SOBP: variants seen among roughly 807,000 people sequenced by gnomAD.
SOBP encodes the protein sine oculis-binding protein homolog.
A neutral mutation model predicts 53.6 loss-of-function variants in SOBP; 4 were observed. The observed-to-expected ratio is 0.07, with a 90% CI of 0.04 to 0.17. SOBP has a LOEUF of 0.17. SOBP is among the 10% of genes least tolerant of loss of function. SOBP has a pLI of 1.00. For missense variants in SOBP, 1,088 were observed against 1,204.7 expected (o/e 0.90, Z 1.43); for synonymous variants, 584 against 522.6 (o/e 1.12, Z -1.60).
At position 107,634,887 on chromosome 6, in the gene SOBP, G is replaced by C; in HGVS notation, c.2043G>C (p.Glu681Asp). Reference sequence around the variant, plus strand: ...ACGCGCACGTCAAGGCGGAGCGCGAGCCGAGCGCCGCGGAGCGCAGGACCT... The same window carrying C: ...ACGCGCACGTCAAGGCGGAGCGCGACCCGAGCGCCGCGGAGCGCAGGACCT... ...ALHAHVKAER[E>D]PSAAERRTCG... The change falls in exon 6 of 7, where the codon GAG (glutamate) becomes GAC (aspartate). Residue 681 changes from glutamate (E) to aspartate (D), a missense_variant. Physicochemically the swap from Glu to Asp is conservative, Grantham distance 45. Coordinates refer to ENST00000317357, the MANE Select transcript of SOBP (RefSeq NM_018013.4). The surrounding 1 kb of genome is among the most constrained non-coding windows in gnomAD (Gnocchi z 4.5). 7.6e-7 allele frequency: 1 copy of C among 1,322,460 alleles called. No homozygotes were observed. The highest frequency in any genetic ancestry group is 9.7e-7 in the Non-Finnish European group (1 of 1,026,896). The allele number at this position is 1,322,460 out of a possible 1,614,324, so 81.9% of individuals were successfully genotyped here.
intron 6 of SOBP, among the ~76,000 whole-genome samples, chr6:107,642,923 T>C (rs1176819596): frequency 6.6e-6 from 1 of 152,246 alleles, no homozygotes; most frequent in African/African-American, 2.4e-5. Context: ...TCCCCAGATA[T>C]GTTTTTGGTA....
In SOBP at chr6:107,635,150, A is replaced by G; in HGVS notation, c.2306A>G (p.Glu769Gly). 2 of 1,613,312 alleles carry G rather than the reference A, an allele frequency of 1.2e-6. No individual in the cohort carries two copies. Among genetic ancestry groups the G allele is most frequent in the Middle Eastern group, 3.3e-4 (2 of 6,062 alleles). The change falls in exon 6 of 7, where the codon GAG becomes GGG. Residue 769 changes from glutamate (E) to glycine (G), a missense_variant. Physicochemically the swap from Glu to Gly is moderately conservative, Grantham distance 98. Around this residue, in one of 6 missense-constraint regions of SOBP, gnomAD observed 665 missense variants for 629.7 expected, o/e 1.06. Transcript: ENST00000317357. This position sits in a 1 kb window ranked among gnomAD's most constrained non-coding sequence, Gnocchi z 4.5. ...GAGGAACCGGCGGTGAGCGAGCTAG[A>G]GTCGGTCAAGGAGAATAACTGTGCT... ...SPEEPAVSEL[E>G]SVKENNCASN... is the part of the protein sequence containing the mutation.
In SOBP at chr6:107,649,568, G is replaced by C. The variant is rs1446185235; in HGVS notation, c.*4-8639G>C. 2.0e-5 allele frequency among the ~76,000 whole-genome samples: 3 copies of C among 151,366 alleles called. 1 individual carries two copies. Among genetic ancestry groups the C allele is most frequent in the Admixed American group, 2.0e-4 (3 of 15,184 alleles). On this transcript the variant is annotated intron_variant, in intron 6 of 6. Transcript: ENST00000317357. ...GCCAGGGCATAGGACCTAGGCTCTTGTTCAAAATTTCCTGCAGAACAGCTC... is the reference window on the plus strand; with the variant it reads ...GCCAGGGCATAGGACCTAGGCTCTTCTTCAAAATTTCCTGCAGAACAGCTC...
intron 4 of SOBP, among the ~76,000 whole-genome samples, chr6:107,535,088 G>A (rs1010507869): frequency 6.6e-6 from 1 of 152,106 alleles, no homozygotes; most frequent in East Asian, 1.9e-4. Flanking sequence ...ATTCTGAAGG[G>A]TTATGGGTCT....
At chr6:107,595,362 T>TA (rs1785910415) in intron 5 of SOBP, among the ~76,000 whole-genome samples, 1 of 150,504 alleles carries the variant, frequency 6.6e-6, no homozygotes, top group South Asian at 2.1e-4. Context: ...TTTTTTTTTT[T>TA]TTTTTTTTTT....
At chr6:107,654,911 A>C (rs1325026556) in intron 6 of SOBP, among the ~76,000 whole-genome samples, 4 of 146,158 alleles carry the variant, frequency 2.7e-5, no homozygotes. Context: ...GCTCTGAGGG[A>C]GGGTGGGTGA....
intron 5 of SOBP, among the ~76,000 whole-genome samples, chr6:107,602,598 A>G (rs1427777709): frequency 6.9e-6 from 1 of 145,326 alleles, no homozygotes; most frequent in Non-Finnish European, 1.5e-5. Context: ...GGAAAGGGAA[A>G]GGAAAGGAAG....
chr6:107,492,888 A>G (rs1428892275), intron 1 of SOBP, among the ~76,000 whole-genome samples: 4 of 152,114 alleles, frequency 2.6e-5, no homozygotes, highest in Non-Finnish European at 5.9e-5. Context: ...ACCCCTAACC[A>G]AAAATTTTAG....
At chr6:107,587,612 C>G (rs1785607890) in intron 5 of SOBP, among the ~76,000 whole-genome samples, 1 of 152,094 alleles carries the variant, frequency 6.6e-6, no homozygotes, top group African/African-American at 2.4e-5. Flanking sequence ...CGCAGTACTC[C>G]CTTTAGAATT....
intron 3 of SOBP, 93 bp from the exon 4 acceptor site, chr6:107,533,366 A>T: frequency 7.5e-7 from 1 of 1,341,588 alleles, no homozygotes; most frequent in Non-Finnish European, 1.1e-6. Context: ...AACTAAAATC[A>T]GGCCCAGGTA....
Position 107,619,926 on chromosome 6 carries a change from A to AT in SOBP, c.670-13580dup, listed in dbSNP as rs1408487461. On this transcript the variant is annotated intron_variant, in intron 5 of 6. Transcript: ENST00000317357. ...CACTGCCCCTTCCTAGATTTTCCTCATTTTTTTTAGCAGAGGGTAATACCT... is the reference window on the plus strand; with the variant it reads ...CACTGCCCCTTCCTAGATTTTCCTCATTTTTTTTTAGCAGAGGGTAATACCT... Among the ~76,000 whole-genome samples the AT allele has an allele frequency of 3.3e-5, 5 of 151,954 alleles. No individual in the cohort carries two copies. In the South Asian group the frequency reaches 6.3e-4, roughly 19 times the overall value.
rs1238064142 is a variant in SOBP at position 107,528,432 on chromosome 6, G to C, written c.422-5027G>C. On this transcript the variant is annotated intron_variant, in intron 3 of 6. Transcript: ENST00000317357. ...GAGAAGGCTGACAAGAGTATTGCTTGCCTGTGGGTAGAATAACTGCTTGAG... is the reference window on the plus strand; with the variant it reads ...GAGAAGGCTGACAAGAGTATTGCTTCCCTGTGGGTAGAATAACTGCTTGAG... Among the ~76,000 whole-genome samples the C allele has an allele frequency of 2.0e-5, 3 of 152,158 alleles. No individual in the cohort carries two copies. In the South Asian group the frequency reaches 6.2e-4, roughly 32 times the overall value.
At chr6:107,572,551 AC>A (rs1785104324) in intron 4 of SOBP, among the ~76,000 whole-genome samples, 1 of 152,104 alleles carries the variant, frequency 6.6e-6, no homozygotes, top group African/African-American at 2.4e-5. Context: ...CAATCCACCC[AC>A]CTCAGCTCCC....
chr6:107,635,100 G>GC lies in SOBP; in HGVS notation c.2262dup (p.Lys755GlnfsTer7). On this transcript the variant is annotated frameshift_variant, in exon 6 of 7. Transcript: ENST00000317357. LOFTEE classifies it high-confidence loss of function. The surrounding 1 kb of genome is among the most constrained non-coding windows in gnomAD (Gnocchi z 4.5). ...AGCCGCCGCCGCCGCCGCCGCCCGCGCCCCCCAAGAAGCTGCTGTCGCCTG... is the reference window on the plus strand; with the variant it reads ...AGCCGCCGCCGCCGCCGCCGCCCGCGCCCCCCCAAGAAGCTGCTGTCGCCTG... 3 of 1,600,150 alleles carry GC rather than the reference G, an allele frequency of 1.9e-6. No individual in the cohort carries two copies.
chr6:107,575,183 A>G (rs2115043347), intron 4 of SOBP, among the ~76,000 whole-genome samples: 1 of 152,266 alleles, frequency 6.6e-6, no homozygotes, highest in East Asian at 1.9e-4. Flanking sequence ...TTCAGTTTCT[A>G]CACTGGCAAA....
intron 2 of SOBP, among the ~76,000 whole-genome samples, chr6:107,504,398 G>T (rs1181306544): frequency 2.0e-5 from 3 of 152,216 alleles, no homozygotes; most frequent in Non-Finnish European, 4.4e-5. Context: ...CAGCTAAAGA[G>T]TGAAAATTAC....
At chr6:107,533,409 A>G in intron 3 of SOBP, 50 bp from the exon 4 acceptor site, 1 of 1,604,692 alleles carries the variant, frequency 6.2e-7, no homozygotes, top group Non-Finnish European at 8.5e-7. Context: ...TCTAAATTTG[A>G]AGGGATGTTT....
At chr6:107,617,328 T>C (rs1364763513) in intron 5 of SOBP, among the ~76,000 whole-genome samples, 1 of 152,152 alleles carries the variant, frequency 6.6e-6, no homozygotes, top group Admixed American at 6.5e-5. Context: ...ATTTGGATTC[T>C]TGCTAATTTG....
At chr6:107,543,460 A>C (rs1050365445) in intron 4 of SOBP, among the ~76,000 whole-genome samples, 1 of 152,368 alleles carries the variant, frequency 6.6e-6, no homozygotes, top group Non-Finnish European at 1.5e-5. Flanking sequence ...AGGGTGGGCT[A>C]TGACGAGAGA....
Sources: gnomAD v4.1 joint callset for allele counts (sites outside exome capture counted in the v4.1 genomes callset) on GRCh38, gnomAD v4.1.1 for gene constraint, gnomAD v4.1.1 regional missense constraint, Gnocchi (gnomAD v3.1) non-coding constraint, MANE v1.5 for transcripts, NCBI Gene and HGNC (gene_info 2026-07-23, HGNC 2026-07-21) for gene names.